The following CCDC191 variants were observed in gnomAD, a reference collection of about 807,000 sequenced individuals.
CCDC191 encodes coiled-coil domain-containing protein 191.
In CCDC191, 99 loss-of-function variants were observed where a neutral mutation model predicts 114.0. That is an observed-to-expected ratio of 0.87 (90% confidence interval 0.74 to 1.03). The LOEUF (loss-of-function observed/expected upper bound fraction) is 1.03. Ranked by LOEUF, CCDC191 falls within the 50% of genes least tolerant of loss-of-function variation. The pLI is 0.00. For missense variants in CCDC191, 973 were observed against 1,087.0 expected, an observed-to-expected ratio of 0.90 and a Z score of 1.47; for synonymous variants, 351 against 376.0, an observed-to-expected ratio of 0.93 and a Z score of 0.77.
intron 13 of CCDC191, among the ~76,000 whole-genome samples, chr3:113,998,074 G>A (rs2075769053): frequency 6.6e-6 from 1 of 151,954 alleles, no homozygotes; most frequent in Non-Finnish European, 1.5e-5. Flanking sequence ...GGGAGGCCGA[G>A]GCAGGCGGAT....
Position 113,965,145 on chromosome 3 carries a change from C to T in CCDC191, c.*10G>A, listed in dbSNP as rs547428603. 1.9e-6 allele frequency: 3 copies of T among 1,568,560 alleles called. No homozygotes were observed. The highest frequency in any genetic ancestry group is 2.4e-5 in the South Asian group (2 of 84,386). ...CGAGCTTCCTGTCCTAAATATTACA[C>T]TAATCTGGCTCATTCGTTCACCAGA... On this transcript the variant is annotated 3_prime_UTR_variant, in exon 17 of 17. Coordinates refer to ENST00000295878, the MANE Select transcript of CCDC191 (RefSeq NM_020817.2).
rs181602116 is a variant in CCDC191, at chr3:114,044,921, T to G, written c.271+1670A>C. The stretch of plus-strand genomic sequence containing the variant: ...TCAGAACACTACTTTTGTAGAATAT[T>G]AGTATAGTTTATGATAGGAGAAAAA... On this transcript the variant is annotated intron_variant, in intron 3 of 16. Coordinates refer to ENST00000295878, the MANE Select transcript of CCDC191 (RefSeq NM_020817.2). Among the ~76,000 whole-genome samples, 478 of 152,282 alleles carry G rather than the reference T, an allele frequency of 3.1e-3. 3 individuals carry two copies. Among genetic ancestry groups the G allele is most frequent in the Admixed American group, 9.0e-3 (138 of 15,300 alleles).
At chr3:114,016,712 A>G (rs2076164158) in intron 8 of CCDC191, among the ~76,000 whole-genome samples, 2 of 152,216 alleles carry the variant, frequency 1.3e-5, no homozygotes, top group East Asian at 1.9e-4. Context: ...ATCCCTATTT[A>G]GTGCTTTTAT....
intron 13 of CCDC191, among the ~76,000 whole-genome samples, chr3:113,998,422 T>C (rs1050348876): frequency 1.3e-5 from 2 of 152,112 alleles, no homozygotes; most frequent in Admixed American, 6.5e-5. Context: ...ACCGGTGTTA[T>C]TGCCCTTGAA....
chr3:114,017,738 G>T (rs192655921), intron 8 of CCDC191, among the ~76,000 whole-genome samples: 6 of 152,272 alleles, frequency 3.9e-5, no homozygotes, highest in Admixed American at 3.9e-4. Context: ...CTGTTGAGGG[G>T]TGGAGGATGA....
At chr3:113,981,848 T>C (rs1240597287) in intron 13 of CCDC191, among the ~76,000 whole-genome samples, 1 of 152,208 alleles carries the variant, frequency 6.6e-6, no homozygotes, top group African/African-American at 2.4e-5. Flanking sequence ...CTCTTAGCCA[T>C]TAAACCAAAA....
intron 13 of CCDC191, among the ~76,000 whole-genome samples, chr3:113,993,115 TA>T (rs928748610): frequency 6.6e-6 from 1 of 151,580 alleles, no homozygotes; most frequent in African/African-American, 2.4e-5. Flanking sequence ...CCTTGCATGA[TA>T]AAAAAAAATT....
At chr3:114,026,831 T>C (rs572896085) in intron 7 of CCDC191, among the ~76,000 whole-genome samples, 1 of 152,248 alleles carries the variant, frequency 6.6e-6, no homozygotes, top group Admixed American at 6.5e-5. Context: ...AACAGAAAAA[T>C]CCAACCAAAT....
intron 2 of CCDC191, among the ~76,000 whole-genome samples, chr3:114,048,737 A>G (rs528943178): frequency 6.6e-6 from 1 of 152,242 alleles, no homozygotes; most frequent in Non-Finnish European, 1.5e-5. Flanking sequence ...GATTGTCTCT[A>G]TAGTACTTAC....
intron 13 of CCDC191, among the ~76,000 whole-genome samples, chr3:113,996,039 G>C (rs926653530): frequency 2.0e-5 from 3 of 152,042 alleles, no homozygotes; most frequent in African/African-American, 7.2e-5. Flanking sequence ...TTGTCAGATG[G>C]ATAGATTGCA....
chr3:113,985,121 G>A (rs1472480489), intron 13 of CCDC191, among the ~76,000 whole-genome samples: 8 of 152,076 alleles, frequency 5.3e-5, no homozygotes, highest in Non-Finnish European at 1.0e-4. Context: ...CAGTCATGGG[G>A]GTGCTTCTCA....
chr3:113,988,168 A>G (rs981860898), intron 13 of CCDC191, among the ~76,000 whole-genome samples: 1 of 151,846 alleles, frequency 6.6e-6, no homozygotes. Flanking sequence ...AATAAGTACA[A>G]CAAATAGAAA....
In CCDC191 at chr3:114,018,724, C is replaced by G; in HGVS notation, c.1117G>C (p.Glu373Gln). 6.2e-7 allele frequency: 1 copy of G among 1,613,178 alleles called. No homozygotes were observed. Among genetic ancestry groups the G allele is most frequent in the Non-Finnish European group, 8.5e-7 (1 of 1,179,570 alleles). Reference protein sequence around the residue: ...WRDYTRFQKLERETQALENDL... With the variant: ...WRDYTRFQKLQRETQALENDL... ...TTTTCCAAGGCTTGAGTCTCCCGCTCCAACTTCTGGAATCTTGTGTAGTCT... is the reference window on the plus strand; with the variant it reads ...TTTTCCAAGGCTTGAGTCTCCCGCTGCAACTTCTGGAATCTTGTGTAGTCT... The change falls in exon 8 of 17, where the codon GAG becomes CAG. Residue 373 changes from glutamate (E) to glutamine (Q), a missense_variant. Transcript: ENST00000295878.
chr3:114,002,009 A>G (rs1466162567), intron 12 of CCDC191, among the ~76,000 whole-genome samples: 2 of 152,152 alleles, frequency 1.3e-5, no homozygotes, highest in Non-Finnish European at 2.9e-5. Context: ...AGTTAGAAAC[A>G]GTTTAGGGGG....
intron 8 of CCDC191, among the ~76,000 whole-genome samples, chr3:114,011,804 C>A (rs2076074746): frequency 6.6e-6 from 1 of 152,146 alleles, no homozygotes. Flanking sequence ...CATTTTCTTC[C>A]CAATGGGAAT....
chr3:114,034,661 A>G (rs912296520), intron 6 of CCDC191, among the ~76,000 whole-genome samples: 3 of 152,194 alleles, frequency 2.0e-5, no homozygotes, highest in Admixed American at 6.5e-5. Context: ...TACACATCCC[A>G]GGACTCCAGG....
At chr3:113,968,300 T>C (rs1940421829) in intron 16 of CCDC191, among the ~76,000 whole-genome samples, 1 of 152,212 alleles carries the variant, frequency 6.6e-6, no homozygotes, top group African/African-American at 2.4e-5. Context: ...GCATCTGTTA[T>C]TCACTGTCTT....
intron 2 of CCDC191, among the ~76,000 whole-genome samples, chr3:114,053,254 T>C (rs113478745): frequency 7.9e-5 from 12 of 152,302 alleles, no homozygotes; most frequent in African/African-American, 2.9e-4. Flanking sequence ...CCTAGGTCAT[T>C]GTAACTACAG....
chr3:114,010,785 A>G lies in CCDC191; in HGVS notation c.1400T>C (p.Val467Ala). 6.2e-7 allele frequency: 1 copy of G among 1,605,784 alleles called. No homozygotes were observed. The highest frequency in any genetic ancestry group is 1.3e-5 in the African/African-American group (1 of 74,534). The change falls in exon 9 of 17, where the codon GTA (valine) becomes GCA (alanine). Residue 467 changes from valine (V) to alanine (A), a missense_variant. By Grantham distance (64) the Val-to-Ala change is moderately conservative. Coordinates refer to ENST00000295878, the MANE Select transcript of CCDC191 (RefSeq NM_020817.2). ...AAAACAACGTACCTGTCCATTTTTT[A>G]CTGGTGGACCCACCATGGCTGTTGC... ...EEATAMVGPP[V>A]KNGQETAVPP...
Sources: allele counts gnomAD v4.1 joint callset (sites outside exome capture counted in the v4.1 genomes callset), GRCh38; gene constraint gnomAD v4.1.1; transcripts MANE v1.5; gene names NCBI Gene and HGNC (gene_info 2026-07-23, HGNC 2026-07-21).